PPARGC1A: variants seen among roughly 807,000 people sequenced by gnomAD.
The protein encoded by PPARGC1A is peroxisome proliferator-activated receptor gamma coactivator 1-alpha.
A neutral mutation model predicts 88.7 loss-of-function variants in PPARGC1A; 25 were observed. The observed-to-expected ratio is 0.28, with a 90% CI of 0.21 to 0.39. The LOEUF (loss-of-function observed/expected upper bound fraction) is 0.39. Among genes scored for constraint, PPARGC1A ranks in the 10% least tolerant of loss-of-function variants. The probability of loss-of-function intolerance (pLI) is 1.00; values close to 1 mark genes in which losing one functional copy is unlikely to be tolerated. For missense variants in PPARGC1A, 880 were observed against 968.7 expected (o/e 0.91, Z 1.22); for synonymous variants, 363 against 355.6 (o/e 1.02, Z -0.24).
At chr4:24,368,830 G>A in the PPARGC1A span, among the ~76,000 whole-genome samples, 6 of 152,128 alleles carry the variant, frequency 3.9e-5, no homozygotes, top group Non-Finnish European at 7.3e-5. Context: ...CAGGAGACGC[G>A]GAAGAAACGG....
the PPARGC1A span, among the ~76,000 whole-genome samples, chr4:24,271,409 G>C: frequency 6.6e-6 from 1 of 151,614 alleles, no homozygotes; most frequent in East Asian, 1.9e-4. Flanking sequence ...ATGGAGTCTC[G>C]CTCTGTGGCC....
At chr4:24,326,436 T>C in the PPARGC1A span, among the ~76,000 whole-genome samples, 75 of 150,918 alleles carry the variant, frequency 5.0e-4, no homozygotes, top group Middle Eastern at 3.5e-3. Context: ...CCCTCCACAA[T>C]CCATTATTCT....
the PPARGC1A span, among the ~76,000 whole-genome samples, chr4:24,118,306 T>G: frequency 6.6e-6 from 1 of 152,116 alleles, no homozygotes; most frequent in Non-Finnish European, 1.5e-5. Context: ...AAAGAACAGC[T>G]GCGTTACCCA....
chr4:24,387,912 AAGAAAGAAAGAAAGAAAGAAAG>A, the PPARGC1A span, among the ~76,000 whole-genome samples: 164 of 11,886 alleles, frequency 0.014, 5 homozygotes, highest in East Asian at 0.14. Context: ...AAGAGAAAGA[AAGAAAGAAAGAAAGAAAGAAAG>A]AGAAAGAAAG....
chr4:24,344,319 C>A, the PPARGC1A span, among the ~76,000 whole-genome samples: 248 of 152,258 alleles, frequency 1.6e-3, no homozygotes, highest in African/African-American at 5.8e-3. Context: ...TTTAAGGAAT[C>A]TCCACAGTGT....
intron 2 of PPARGC1A, among the ~76,000 whole-genome samples, chr4:23,844,727 TA>T (rs1727854275): frequency 3.1e-5 from 3 of 95,736 alleles, no homozygotes; most frequent in Non-Finnish European, 5.5e-5. Flanking sequence ...TATATTATTA[TA>T]ATATATGATA....
At chr4:24,178,538 A>T in the PPARGC1A span, among the ~76,000 whole-genome samples, 3 of 152,216 alleles carry the variant, frequency 2.0e-5, no homozygotes, top group African/African-American at 4.8e-5. Context: ...TCACAGCATG[A>T]TCTGCCCTCT....
intron 2 of PPARGC1A, among the ~76,000 whole-genome samples, chr4:23,877,154 C>G (rs1256045207): frequency 1.3e-5 from 2 of 151,900 alleles, no homozygotes; most frequent in Non-Finnish European, 2.9e-5. Flanking sequence ...TCCCTGCTCT[C>G]ATTCTAGCTA....
At chr4:23,967,982 T>A in the PPARGC1A span, among the ~76,000 whole-genome samples, 1 of 152,016 alleles carries the variant, frequency 6.6e-6, no homozygotes, top group African/African-American at 2.4e-5. Flanking sequence ...GGAGAGAATG[T>A]TTCAAGCCCT....
chr4:23,984,672 A>T, the PPARGC1A span, among the ~76,000 whole-genome samples: 1 of 152,096 alleles, frequency 6.6e-6, no homozygotes, highest in Non-Finnish European at 1.5e-5. Flanking sequence ...TCATTTTTCA[A>T]AAAAGGCTTT....
chr4:23,937,927 G>A, the PPARGC1A span, among the ~76,000 whole-genome samples: 7 of 152,140 alleles, frequency 4.6e-5, no homozygotes, highest in African/African-American at 1.7e-4. Context: ...AAAGGAAAGT[G>A]CCTTGACAAG....
At chr4:23,900,596 A>G (rs1377105277), upstream of PPARGC1A, among the ~76,000 whole-genome samples, 1 of 152,210 alleles carries the variant, frequency 6.6e-6, no homozygotes, top group Non-Finnish European at 1.5e-5. Context: ...ATCAAGCAAC[A>G]TTACAGTAGA....
At chr4:23,919,888 A>T in the PPARGC1A span, among the ~76,000 whole-genome samples, 7 of 152,360 alleles carry the variant, frequency 4.6e-5, no homozygotes, top group Non-Finnish European at 7.3e-5. Flanking sequence ...AAGCCAGTGC[A>T]GTAAGGTTCT....
the PPARGC1A span, among the ~76,000 whole-genome samples, chr4:24,403,232 G>C: frequency 6.6e-6 from 1 of 152,196 alleles, no homozygotes; most frequent in East Asian, 1.9e-4. Flanking sequence ...AAGATGAAAT[G>C]AGATAAGGTG....
chr4:23,970,253 G>C, the PPARGC1A span, among the ~76,000 whole-genome samples: 1 of 152,170 alleles, frequency 6.6e-6, no homozygotes, highest in African/African-American at 2.4e-5. Flanking sequence ...GGTAAGATAG[G>C]AAACCAAATG....
the PPARGC1A span, among the ~76,000 whole-genome samples, chr4:23,991,982 G>T: frequency 6.6e-6 from 1 of 152,034 alleles, no homozygotes; most frequent in Non-Finnish European, 1.5e-5. Context: ...CTCATTTTAG[G>T]CAAGAACAAA....
the PPARGC1A span, among the ~76,000 whole-genome samples, chr4:24,297,391 T>C: frequency 2.0e-5 from 3 of 152,262 alleles, no homozygotes; most frequent in South Asian, 2.1e-4. Context: ...TTCTCGGAAA[T>C]GTACTTTCAA....
intron 2 of PPARGC1A, among the ~76,000 whole-genome samples, chr4:23,860,732 A>G (rs1577549418): frequency 1.3e-5 from 2 of 152,214 alleles, no homozygotes; most frequent in East Asian, 3.8e-4. Context: ...GAAGCAAGGA[A>G]CAAAAGAAAA....
chr4:24,098,487 A>G, the PPARGC1A span, among the ~76,000 whole-genome samples: 420 of 152,362 alleles, frequency 2.8e-3, 5 homozygotes, highest in East Asian at 0.051. Context: ...AAAAAAGAAC[A>G]TAATAAACCA....
Sources: allele counts gnomAD v4.1 joint callset (sites outside exome capture counted in the v4.1 genomes callset), GRCh38; gene constraint gnomAD v4.1.1; transcripts MANE v1.5; gene names NCBI Gene and HGNC (gene_info 2026-07-23, HGNC 2026-07-21).